FAM120A: variants seen among roughly 807,000 people sequenced by gnomAD.
The protein encoded by FAM120A is constitutive coactivator of PPAR-gamma-like protein 1.
Under a neutral mutation model 109.7 loss-of-function variants are expected in FAM120A, and 15 were observed. The observed-to-expected ratio is 0.14, with a 90% CI of 0.09 to 0.21. The LOEUF is 0.21. Ranked by LOEUF, FAM120A falls within the 10% of genes least tolerant of loss-of-function variation. The pLI, the probability that FAM120A is intolerant of heterozygous loss-of-function variation, is 1.00. For synonymous variants in FAM120A, 493 were observed against 572.8 expected, an observed-to-expected ratio of 0.86 and a Z score of 1.99; for missense variants, 899 against 1,439.3, an observed-to-expected ratio of 0.62 and a Z score of 6.07.
chr9:93,465,544 C>G (rs1450097364), intron 1 of FAM120A, among the ~76,000 whole-genome samples: 1 of 152,058 alleles, frequency 6.6e-6, no homozygotes, highest in Non-Finnish European at 1.5e-5. Flanking sequence ...AGTCTTTCAG[C>G]TGATGTATTG....
chr9:93,537,907 T>C (rs1162639330), intron 10 of FAM120A, among the ~76,000 whole-genome samples: 1 of 152,232 alleles, frequency 6.6e-6, no homozygotes, highest in African/African-American at 2.4e-5. Context: ...AGGAGCAGCA[T>C]TGAGGTTTTT....
intron 3 of FAM120A, among the ~76,000 whole-genome samples, chr9:93,495,082 G>C (rs1050410308): frequency 6.6e-6 from 1 of 152,160 alleles, no homozygotes; most frequent in Non-Finnish European, 1.5e-5. Flanking sequence ...CTACAGGGGG[G>C]CCAGCAGCAG....
At chr9:93,540,427 C>T (rs1271127852) in intron 10 of FAM120A, among the ~76,000 whole-genome samples, 1 of 152,324 alleles carries the variant, frequency 6.6e-6, no homozygotes, top group East Asian at 1.9e-4. Context: ...TGGGCAACAA[C>T]ATGCTTAGTG....
At chr9:93,510,191 G>A (rs1206026338) in intron 5 of FAM120A, among the ~76,000 whole-genome samples, 4 of 152,206 alleles carry the variant, frequency 2.6e-5, no homozygotes, top group Non-Finnish European at 5.9e-5. Context: ...TGCTTTCAGC[G>A]TCTGCTCTGC....
chr9:93,532,339 G>GT lies in FAM120A; in HGVS notation c.1909+11dup, dbSNP rs1861359733. 1.2e-6 allele frequency: 2 copies of GT among 1,613,212 alleles called. No homozygotes were observed. Among genetic ancestry groups the GT allele is most frequent in the South Asian group, 1.1e-5 (1 of 91,058 alleles). Reference sequence around the variant, plus strand: ...AGACTTCCACCAGAATGTATGTACTGTAACAATCCATTGTTTGTTTTCCTC... The same window carrying GT: ...AGACTTCCACCAGAATGTATGTACTGTTAACAATCCATTGTTTGTTTTCCTC... On this transcript the variant is annotated intron_variant, in intron 10 of 17. Transcript: ENST00000277165. The surrounding 1 kb of genome is among the most constrained non-coding windows in gnomAD (Gnocchi z 4.3).
At chr9:93,528,735 CT>C (rs1223133820) in intron 8 of FAM120A, among the ~76,000 whole-genome samples, 9 of 152,166 alleles carry the variant, frequency 5.9e-5, no homozygotes, top group Admixed American at 3.9e-4. Flanking sequence ...GTTTTTGGGG[CT>C]TTTGGTTTAA....
chr9:93,468,833 G>T (rs1858177944), intron 1 of FAM120A, among the ~76,000 whole-genome samples: 1 of 152,162 alleles, frequency 6.6e-6, no homozygotes. Flanking sequence ...AGGTTACCGG[G>T]TTAAAGAGTG....
At chr9:93,520,701 G>T (rs1335907149) in intron 7 of FAM120A, among the ~76,000 whole-genome samples, 3 of 152,112 alleles carry the variant, frequency 2.0e-5, no homozygotes, top group Non-Finnish European at 4.4e-5. Flanking sequence ...CAGCAACATT[G>T]GTGGAACAGA....
chr9:93,529,893 T>G, intron 9 of FAM120A: 1 of 549,600 alleles, frequency 1.8e-6, no homozygotes, highest in East Asian at 3.0e-5. Context: ...AATTTCAGAA[T>G]TTTCTTAAAC....
At chr9:93,489,135 A>T (rs1457007077) in intron 3 of FAM120A, among the ~76,000 whole-genome samples, 1 of 152,156 alleles carries the variant, frequency 6.6e-6, no homozygotes, top group Non-Finnish European at 1.5e-5. Flanking sequence ...ACATTTCAAC[A>T]CTTAAAAAAA....
chr9:93,483,713 G>T (rs904493962), intron 3 of FAM120A, among the ~76,000 whole-genome samples: 1 of 152,140 alleles, frequency 6.6e-6, no homozygotes, highest in East Asian at 1.9e-4. Context: ...GCTCATCATT[G>T]TCACCATCAT....
At chr9:93,462,991 T>C (rs1340193286) in intron 1 of FAM120A, among the ~76,000 whole-genome samples, 2 of 152,158 alleles carry the variant, frequency 1.3e-5, no homozygotes, top group Admixed American at 6.5e-5. Context: ...GCTGTGAACA[T>C]GAATGTACCG....
chr9:93,486,032 G>T (rs937101270), intron 3 of FAM120A, among the ~76,000 whole-genome samples: 4 of 152,160 alleles, frequency 2.6e-5, no homozygotes, highest in Non-Finnish European at 5.9e-5. Context: ...GCAGTCAGTG[G>T]CACGATCATA....
chr9:93,498,161 G>A lies in FAM120A; in HGVS notation c.933+562G>A, dbSNP rs886568866. Among the ~76,000 whole-genome samples the A allele has an allele frequency of 3.3e-5, 5 of 152,194 alleles. No individual in the cohort carries two copies. The highest frequency in any genetic ancestry group is 3.9e-4 in the East Asian group (2 of 5,190). On this transcript the variant is annotated intron_variant, in intron 4 of 17. Coordinates refer to ENST00000277165, the MANE Select transcript of FAM120A (RefSeq NM_014612.5). The surrounding 1 kb of genome is among the most constrained non-coding windows in gnomAD (Gnocchi z 4.4). The stretch of plus-strand genomic sequence containing the variant: ...TGTAATCCCAGTACTCTGGGAGGCC[G>A]AGGCGGGCGGATCACGAGGTCAGGA...
chr9:93,529,964 A>C, intron 9 of FAM120A: 1 of 428,434 alleles, frequency 2.3e-6, no homozygotes, highest in Non-Finnish European at 4.2e-6. Context: ...TGGTTCCTTT[A>C]TCATTTGTGC....
At chr9:93,539,729 C>T (rs1455595197) in intron 10 of FAM120A, among the ~76,000 whole-genome samples, 4 of 152,192 alleles carry the variant, frequency 2.6e-5, no homozygotes, top group Admixed American at 6.5e-5. Context: ...TGAATAATAC[C>T]GTGAGGGCTG....
intron 1 of FAM120A, among the ~76,000 whole-genome samples, chr9:93,465,949 A>G (rs969393149): frequency 2.6e-5 from 4 of 152,070 alleles, no homozygotes; most frequent in Admixed American, 6.5e-5. Context: ...TGCTTTCTCT[A>G]TATTAAATTA....
intron 3 of FAM120A, among the ~76,000 whole-genome samples, chr9:93,492,043 T>A (rs1859344001): frequency 6.6e-6 from 1 of 152,180 alleles, no homozygotes; most frequent in Non-Finnish European, 1.5e-5. Flanking sequence ...TATTTTAGAA[T>A]CTCAGGGAAA....
At chr9:93,478,667 G>C (rs1304635083) in intron 3 of FAM120A, among the ~76,000 whole-genome samples, 2 of 152,064 alleles carry the variant, frequency 1.3e-5, no homozygotes, top group East Asian at 1.9e-4. Context: ...GTAGAGGCAG[G>C]GTTTCACCAT....
Sources: gnomAD v4.1 joint callset for allele counts (sites outside exome capture counted in the v4.1 genomes callset) on GRCh38, gnomAD v4.1.1 for gene constraint, Gnocchi (gnomAD v3.1) non-coding constraint, MANE v1.5 for transcripts, NCBI Gene and HGNC (gene_info 2026-07-23, HGNC 2026-07-21) for gene names.